Variants in DNAH11 observed in about 807,000 individuals in gnomAD.
DNAH11 encodes dynein axonemal heavy chain 11, also known as axonemal beta dynein heavy chain 11.
Under a neutral mutation model 526.0 loss-of-function variants are expected in DNAH11, and 442 were observed. The ratio of observed to expected loss-of-function variants is 0.84; its 90% confidence interval spans 0.78 to 0.91. The LOEUF is 0.91. Ranked by LOEUF, DNAH11 falls within the 40% of genes least tolerant of loss-of-function variation. DNAH11 has a pLI of 0.00. For synonymous variants in DNAH11, 2,461 were observed against 1,935.9 expected (o/e 1.27, Z -7.12); for missense variants, 6,989 against 5,448.7 (o/e 1.28, Z -8.90).
Position 21,589,242 on chromosome 7 carries a change from C to G in DNAH11, c.2008C>G (p.Gln670Glu), listed in dbSNP as rs764680677. 2 of 1,609,268 alleles carry G rather than the reference C, an allele frequency of 1.2e-6. No individual in the cohort carries two copies. The highest frequency in any genetic ancestry group is 1.7e-6 in the Non-Finnish European group (2 of 1,178,580). The change falls in exon 12 of 82, where the codon CAA becomes GAA. Residue 670 changes from glutamine (Q) to glutamate (E), a missense_variant. Physicochemically the swap from Gln to Glu is conservative, Grantham distance 29. Coordinates refer to ENST00000409508, the MANE Select transcript of DNAH11 (RefSeq NM_001277115.2). ...CAATCCTGATCACGCTTTAGTTTAT[C>G]AAAAGTATGTTGAAATGACCACTTT... ...LGNPDHALVYQKYVEMTTLLD... is the reference protein window; with the variant it reads ...LGNPDHALVYEKYVEMTTLLD...
At position 21,606,554 on chromosome 7, in the gene DNAH11, A is replaced by G. The variant is rs751021252; in HGVS notation, c.3765+12A>G. On this transcript the variant is annotated intron_variant, in intron 19 of 81. Transcript: ENST00000409508. ...GTATTTTGTTTGACGTAAGCTAGTTACCAAGTTTTTGTTTTAAGAAAGGTT... is the reference window on the plus strand; with the variant it reads ...GTATTTTGTTTGACGTAAGCTAGTTGCCAAGTTTTTGTTTTAAGAAAGGTT... 3.8e-6 allele frequency: 6 copies of G among 1,596,954 alleles called. No homozygotes were observed. The highest frequency in any genetic ancestry group is 2.3e-5 in the South Asian group (2 of 86,298).
In DNAH11 at chr7:21,600,720, G is replaced by T. The variant is rs72657303; in HGVS notation, c.3045G>T (p.Glu1015Asp). 6,857 of 1,613,798 alleles carry T rather than the reference G, an allele frequency of 4.2e-3. 22 individuals carry two copies. The highest frequency in any genetic ancestry group is 5.4e-3 in the Non-Finnish European group (6,357 of 1,179,786). The change falls in exon 16 of 82, where the codon GAG becomes GAT. Residue 1015 changes from glutamate to aspartate, a missense_variant. Coordinates refer to ENST00000409508, the MANE Select transcript of DNAH11 (RefSeq NM_001277115.2). ...TAGGCCTGGCAGAGGTCAGGCAGGA[G>T]ATCATGAACAGAGTGGTGAATGTCA... Reference protein sequence around the residue: ...NMLGLAEVRQEIMNRVVNVIN... With the variant: ...NMLGLAEVRQDIMNRVVNVIN...
At chr7:21,681,440 A>C (rs1783131737) in intron 30 of DNAH11, 106 bp from the exon 31 acceptor site, 1 of 1,263,982 alleles carries the variant, frequency 7.9e-7, no homozygotes, top group Non-Finnish European at 1.1e-6. Context: ...AAAAAAAAGA[A>C]ATTGTTTTGC....
intron 48 of DNAH11, 28 bp downstream of exon 48, chr7:21,739,701 ACTGTAGGT>A (rs1785789262): frequency 6.5e-7 from 1 of 1,546,562 alleles, no homozygotes; most frequent in Non-Finnish European, 8.9e-7. Flanking sequence ...GCTCTCAAAA[ACTGTAGGT>A]CTGTATTGTA....
rs1020983999 is a variant in DNAH11 at position 21,880,732 on chromosome 7, G to C, written c.12226G>C (p.Glu4076Gln). 1.9e-5 allele frequency: 31 copies of C among 1,613,954 alleles called. No homozygotes were observed. The highest frequency in any genetic ancestry group is 2.5e-5 in the Non-Finnish European group (29 of 1,179,894). ...DTLEICSKEQ[E>Q]FKSILFSLCY... ...ACTTGAAATATGCTCCAAGGAGCAGGAGTTTAAAAGCATCCTTTTTTCTCT... is the reference window on the plus strand; with the variant it reads ...ACTTGAAATATGCTCCAAGGAGCAGCAGTTTAAAAGCATCCTTTTTTCTCT... Residue 4076 changes from glutamate (E) to glutamine (Q), a missense_variant, in exon 75 of 82, where the codon GAG (glutamate) becomes CAG (glutamine). By Grantham distance (29) the Glu-to-Gln change is conservative. Coordinates refer to ENST00000409508, the MANE Select transcript of DNAH11 (RefSeq NM_001277115.2).
chr7:21,599,874 T>C lies in DNAH11; in HGVS notation c.2755T>C (p.Phe919Leu), dbSNP rs1457961766. 6.2e-7 allele frequency: 1 copy of C among 1,610,578 alleles called. No individual in the cohort carries two copies. Residue 919 changes from phenylalanine to leucine, a missense_variant, in exon 15 of 82, where the codon TTT (phenylalanine) becomes CTT (leucine). Physicochemically the swap from Phe to Leu is conservative, Grantham distance 22. Coordinates refer to ENST00000409508, the MANE Select transcript of DNAH11 (RefSeq NM_001277115.2). ...CATTGACGACATTGTGGTGGAAGGCTTTTTTCAGGCTATAATGCACGACTT... is the reference window on the plus strand; with the variant it reads ...CATTGACGACATTGTGGTGGAAGGCCTTTTTCAGGCTATAATGCACGACTT... ...EFIDDIVVEG[F>L]FQAIMHDLDF...
chr7:21,810,300 C>T (rs1234822534), intron 63 of DNAH11, among the ~76,000 whole-genome samples: 1 of 152,158 alleles, frequency 6.6e-6, no homozygotes, highest in Non-Finnish European at 1.5e-5. Context: ...AAAATCAGAC[C>T]TCCTGATTTC....
intron 2 of DNAH11, among the ~76,000 whole-genome samples, chr7:21,551,868 A>AT (rs60704881): frequency 0.3 from 45,375 of 151,986 alleles, 7,115 homozygotes; most frequent in East Asian, 0.57. Context: ...TGAGCAAATA[A>AT]TTTTTTTAAC....
intron 65 of DNAH11, 123 bp downstream of exon 65, chr7:21,818,462 T>A: frequency 9.4e-7 from 1 of 1,061,118 alleles, no homozygotes; most frequent in Non-Finnish European, 1.3e-6. Flanking sequence ...TTCCATTTCA[T>A]GCACCTACAC....
chr7:21,818,397 A>C (rs1355522674), intron 65 of DNAH11, 58 bp downstream of exon 65: 2 of 1,557,550 alleles, frequency 1.3e-6, no homozygotes, highest in South Asian at 2.4e-5. Flanking sequence ...CAGCAGCAGC[A>C]TCTCTTAGCT....
At chr7:21,632,903 G>A (rs995526616) in intron 25 of DNAH11, among the ~76,000 whole-genome samples, 1 of 152,118 alleles carries the variant, frequency 6.6e-6, no homozygotes, top group Admixed American at 6.5e-5. Context: ...TCATTTTCAT[G>A]CTGCTGATAA....
chr7:21,778,907 G>A, intron 56 of DNAH11, 51 bp from the exon 57 acceptor site: 3 of 1,589,620 alleles, frequency 1.9e-6, no homozygotes, highest in Non-Finnish European at 2.6e-6. Flanking sequence ...CTCTATCTGG[G>A]ATTTGTTGTG....
Position 21,636,044 on chromosome 7 carries a change from C to G in DNAH11, c.4674C>G (p.Ile1558Met), listed in dbSNP as rs1786849538. ...SIFVCSEDIRIQLVKDARRFD... is the reference protein window; with the variant it reads ...SIFVCSEDIRMQLVKDARRFD... ...TTGTCTGTTCAGAAGATATTCGAAT[C>G]CAGCTTGTGAAAGATGCTAGAAGAT... is the stretch of plus-strand genomic sequence containing the variant. The change falls in exon 26 of 82, where the codon ATC becomes ATG. Residue 1558 changes from isoleucine to methionine, a missense_variant. By Grantham distance (10) the Ile-to-Met change is conservative. Coordinates refer to ENST00000409508, the MANE Select transcript of DNAH11 (RefSeq NM_001277115.2). 1.2e-6 allele frequency: 2 copies of G among 1,613,472 alleles called. No individual in the cohort carries two copies. The highest frequency in any genetic ancestry group is 1.7e-6 in the Non-Finnish European group (2 of 1,179,670).
intron 54 of DNAH11, among the ~76,000 whole-genome samples, chr7:21,762,068 T>C (rs1413777788): frequency 6.6e-6 from 1 of 151,944 alleles, no homozygotes; most frequent in African/African-American, 2.4e-5. Flanking sequence ...AACCATCATA[T>C]CTCATGAGAA....
chr7:21,572,553 T>A (rs576368681), intron 8 of DNAH11, among the ~76,000 whole-genome samples: 1 of 152,342 alleles, frequency 6.6e-6, no homozygotes, highest in Non-Finnish European at 1.5e-5. Flanking sequence ...AGTTCTAGGA[T>A]AAAAATAGCT....
At chr7:21,877,003 T>G (rs749557780) in intron 74 of DNAH11, among the ~76,000 whole-genome samples, 9 of 152,192 alleles carry the variant, frequency 5.9e-5, no homozygotes, top group Non-Finnish European at 1.0e-4. Flanking sequence ...CATCTCCTTG[T>G]ATTATTTGGG....
intron 65 of DNAH11, among the ~76,000 whole-genome samples, chr7:21,821,124 T>C (rs1290257092): frequency 6.6e-6 from 1 of 152,176 alleles, no homozygotes; most frequent in Non-Finnish European, 1.5e-5. Flanking sequence ...GATTTAAGGA[T>C]GTTTTCTTCT....
At chr7:21,627,538 C>A (rs1786396376) in intron 25 of DNAH11, among the ~76,000 whole-genome samples, 1 of 152,114 alleles carries the variant, frequency 6.6e-6, no homozygotes, top group Non-Finnish European at 1.5e-5. Context: ...AAAGACTGTC[C>A]TTTCCCCATT....
intron 45 of DNAH11, among the ~76,000 whole-genome samples, chr7:21,731,851 G>C (rs1785402327): frequency 6.6e-6 from 1 of 152,120 alleles, no homozygotes; most frequent in South Asian, 2.1e-4. Flanking sequence ...TGCAATGCTT[G>C]CGTTCAAGTA....
Sources: gnomAD v4.1 joint callset for allele counts (sites outside exome capture counted in the v4.1 genomes callset) on GRCh38, gnomAD v4.1.1 for gene constraint, MANE v1.5 for transcripts, NCBI Gene and HGNC (gene_info 2026-07-23, HGNC 2026-07-21) for gene names.